TEAD1: variants seen among roughly 807,000 people sequenced by gnomAD.
TEAD1 encodes transcriptional enhancer factor TEF-1.
Under a neutral mutation model 54.9 loss-of-function variants are expected in TEAD1, and 9 were observed. The ratio of observed to expected loss-of-function variants is 0.16; its 90% CI spans 0.10 to 0.29. The LOEUF (loss-of-function observed/expected upper bound fraction) is 0.29. TEAD1 is among the 10% of genes least tolerant of loss of function. The pLI is 1.00. For missense variants in TEAD1, 387 were observed against 535.9 expected (o/e 0.72, Z 2.74); for synonymous variants, 200 against 187.8 (o/e 1.07, Z -0.53).
chr11:12,912,385 C>A (rs1009448540), intron 10 of TEAD1, among the ~76,000 whole-genome samples: 1 of 152,076 alleles, frequency 6.6e-6, no homozygotes, highest in African/African-American at 2.4e-5. Context: ...GAGAACATTT[C>A]GGAAGGGCTC....
intron 2 of TEAD1, among the ~76,000 whole-genome samples, chr11:12,721,696 A>AG (rs1944203298): frequency 2.0e-5 from 3 of 152,178 alleles, no homozygotes; most frequent in Admixed American, 2.0e-4. Context: ...TTATTTCAAC[A>AG]GAAAAAAAAA....
At chr11:12,839,582 A>G (rs1228519480) in intron 3 of TEAD1, among the ~76,000 whole-genome samples, 1 of 152,188 alleles carries the variant, frequency 6.6e-6, no homozygotes, top group Non-Finnish European at 1.5e-5. Context: ...AAATTACAGG[A>G]TAAAGCTCCT....
At chr11:12,924,647 G>T (rs141427423) in intron 10 of TEAD1, among the ~76,000 whole-genome samples, 1 of 152,070 alleles carries the variant, frequency 6.6e-6, no homozygotes, top group African/African-American at 2.4e-5. Context: ...TTATTGCAAG[G>T]GTATAGTAGT....
intron 2 of TEAD1, among the ~76,000 whole-genome samples, chr11:12,756,001 G>A (rs542132679): frequency 6.6e-6 from 1 of 152,322 alleles, no homozygotes; most frequent in South Asian, 2.1e-4. Context: ...TCCCATCAGA[G>A]CTGCATAGCA....
chr11:12,725,085 G>A (rs1459578734), intron 2 of TEAD1, among the ~76,000 whole-genome samples: 1 of 152,212 alleles, frequency 6.6e-6, no homozygotes, highest in African/African-American at 2.4e-5. Flanking sequence ...TGCCTCAGAA[G>A]AAATAGTTTA....
intron 3 of TEAD1, among the ~76,000 whole-genome samples, chr11:12,768,777 G>A (rs1945258232): frequency 1.3e-5 from 2 of 152,206 alleles, no homozygotes; most frequent in African/African-American, 4.8e-5. Flanking sequence ...CCCTCATGGA[G>A]CTATCTCAAG....
intron 5 of TEAD1, among the ~76,000 whole-genome samples, chr11:12,872,188 C>A (rs1947761520): frequency 6.6e-6 from 1 of 152,230 alleles, no homozygotes; most frequent in Non-Finnish European, 1.5e-5. Flanking sequence ...TGTATCATCA[C>A]TGATTCCATC....
chr11:12,870,898 A>T (rs2134081246), intron 5 of TEAD1, among the ~76,000 whole-genome samples: 1 of 152,312 alleles, frequency 6.6e-6, no homozygotes, highest in South Asian at 2.1e-4. Flanking sequence ...AAAAAAAGAA[A>T]AAGAAAAAAT....
intron 3 of TEAD1, among the ~76,000 whole-genome samples, chr11:12,790,797 A>G (rs1945784929): frequency 1.3e-5 from 2 of 152,244 alleles, no homozygotes; most frequent in Non-Finnish European, 2.9e-5. Context: ...GGAAATGCAA[A>G]TTAAAACCCC....
At chr11:12,804,722 C>T (rs952485845) in intron 3 of TEAD1, among the ~76,000 whole-genome samples, 16 of 152,142 alleles carry the variant, frequency 1.1e-4, no homozygotes, top group African/African-American at 3.1e-4. Context: ...TTCCTTCCTT[C>T]GCTCCCTGCC....
chr11:12,922,584 C>G (rs894607032), intron 10 of TEAD1: 1 of 152,084 alleles, frequency 6.6e-6, no homozygotes, highest in African/African-American at 2.4e-5. Flanking sequence ...TATGATGACT[C>G]AGGTCTTAGT....
chr11:12,914,885 C>T (rs1219244799), intron 10 of TEAD1, among the ~76,000 whole-genome samples: 8 of 152,376 alleles, frequency 5.3e-5, no homozygotes, highest in East Asian at 1.9e-4. Context: ...CTCCCAGCAC[C>T]GCCTGCCAAG....
intron 5 of TEAD1, among the ~76,000 whole-genome samples, chr11:12,876,264 G>A (rs185076640): frequency 1.5e-4 from 23 of 152,112 alleles, no homozygotes; most frequent in Non-Finnish European, 2.5e-4. Flanking sequence ...ACTGATTTCC[G>A]TTTCAAAAAA....
intron 5 of TEAD1, among the ~76,000 whole-genome samples, chr11:12,871,552 A>T (rs1047924308): frequency 6.6e-6 from 1 of 152,100 alleles, no homozygotes; most frequent in Non-Finnish European, 1.5e-5. Flanking sequence ...CTTTGCCTGT[A>T]TGTTCAGTTG....
At chr11:12,840,233 C>T (rs1449030684) in intron 3 of TEAD1, among the ~76,000 whole-genome samples, 2 of 107,006 alleles carry the variant, frequency 1.9e-5, no homozygotes, top group Non-Finnish European at 1.8e-5. Flanking sequence ...GGCGACAGAG[C>T]GAGACTCTGC....
intron 2 of TEAD1, among the ~76,000 whole-genome samples, chr11:12,745,760 T>C (rs768701741): frequency 5.3e-5 from 8 of 152,090 alleles, no homozygotes; most frequent in Non-Finnish European, 1.0e-4. Context: ...AAAAAAAAAC[T>C]TAGCCCATAT....
At chr11:12,887,850 A>G (rs1013417863) in intron 9 of TEAD1, among the ~76,000 whole-genome samples, 5 of 152,242 alleles carry the variant, frequency 3.3e-5, no homozygotes, top group Non-Finnish European at 7.3e-5. Flanking sequence ...AAGCGAACAA[A>G]GTGACCAATA....
chr11:12,782,254 C>T (rs1945571995), intron 3 of TEAD1, among the ~76,000 whole-genome samples: 1 of 152,070 alleles, frequency 6.6e-6, no homozygotes, highest in African/African-American at 2.4e-5. Flanking sequence ...AATAGCTATA[C>T]AATGGAATAT....
chr11:12,910,051 G>T (rs1193161457), intron 10 of TEAD1, among the ~76,000 whole-genome samples: 1 of 152,184 alleles, frequency 6.6e-6, no homozygotes, highest in African/African-American at 2.4e-5. Context: ...TTGCAGCATT[G>T]AGATTCAGGC....
Sources: gnomAD v4.1 joint callset for allele counts (sites outside exome capture counted in the v4.1 genomes callset) on GRCh38, gnomAD v4.1.1 for gene constraint, MANE v1.5 for transcripts, NCBI Gene and HGNC (gene_info 2026-07-23, HGNC 2026-07-21) for gene names.